Variants in CFAP299 observed in about 807,000 individuals in gnomAD.
CFAP299 encodes the protein cilia- and flagella-associated protein 299.
Under a neutral mutation model 27.0 loss-of-function variants are expected in CFAP299, and 21 were observed. That is an observed-to-expected ratio of 0.78 (90% CI 0.55 to 1.12). The LOEUF is 1.12. CFAP299 is among the 50% of genes most tolerant of loss of function. The probability of loss-of-function intolerance (pLI) is 0.00; values close to 1 mark genes in which losing one functional copy is unlikely to be tolerated. For synonymous variants in CFAP299, 104 were observed against 98.1 expected, an observed-to-expected ratio of 1.06 and a Z score of -0.36; for missense variants, 310 against 276.6, an observed-to-expected ratio of 1.12 and a Z score of -0.86.
intron 3 of CFAP299, among the ~76,000 whole-genome samples, chr4:80,736,098 T>C (rs1723851511): frequency 6.6e-6 from 1 of 152,172 alleles, no homozygotes; most frequent in African/African-American, 2.4e-5. Context: ...AGATCCCATT[T>C]GTCAATTTTG....
intron 2 of CFAP299, among the ~76,000 whole-genome samples, chr4:80,532,935 CT>C (rs532299622): frequency 1.3e-5 from 2 of 151,966 alleles, no homozygotes; most frequent in African/African-American, 2.4e-5. Context: ...TTTTTCTGAC[CT>C]TTTTTTTCTC....
rs537443404 is a variant in CFAP299 at position 80,342,047 on chromosome 4, C to T, written c.111+6168C>T. ...TCACAAGTATCAATAGCAGAATAGACCAACCAGAGGAAAGACTCTCAGAGA... is the reference window on the plus strand; with the variant it reads ...TCACAAGTATCAATAGCAGAATAGATCAACCAGAGGAAAGACTCTCAGAGA... On this transcript the variant is annotated intron_variant, in intron 1 of 5. Coordinates refer to ENST00000358105, the MANE Select transcript of CFAP299 (RefSeq NM_152770.3). Among the ~76,000 whole-genome samples the T allele has an allele frequency of 1.1e-4, 16 of 152,238 alleles. No individual in the cohort carries two copies. The South Asian group carries it at 2.9e-3, about 28-fold the overall frequency.
intron 3 of CFAP299, among the ~76,000 whole-genome samples, chr4:80,643,183 T>C (rs932485046): frequency 6.6e-6 from 1 of 151,372 alleles, no homozygotes; most frequent in African/African-American, 2.4e-5. Context: ...AAGAAAGGAG[T>C]GATTGACTAG....
rs1730807558 is a variant in CFAP299 at position 80,840,550 on chromosome 4, T to C, written c.334-29443T>C. 2.0e-5 allele frequency among the ~76,000 whole-genome samples: 3 copies of C among 152,106 alleles called. No individual in the cohort carries two copies. The South Asian group carries it at 6.2e-4, about 31-fold the overall frequency. ...ACAATTTTCTATGTGCACATTGCCCTTAAACCACATCCTGCATGTTTTGGA... is the reference window on the plus strand; with the variant it reads ...ACAATTTTCTATGTGCACATTGCCCCTAAACCACATCCTGCATGTTTTGGA... On this transcript the variant is annotated intron_variant, in intron 3 of 5. Coordinates refer to ENST00000358105, the MANE Select transcript of CFAP299 (RefSeq NM_152770.3).
intron 3 of CFAP299, among the ~76,000 whole-genome samples, chr4:80,762,708 C>A (rs1398237088): frequency 6.6e-6 from 1 of 152,098 alleles, no homozygotes; most frequent in Non-Finnish European, 1.5e-5. Context: ...GACTGGTGAA[C>A]AATCTTTTGC....
chr4:80,451,315 G>A (rs536070105), intron 2 of CFAP299, among the ~76,000 whole-genome samples: 46 of 152,140 alleles, frequency 3.0e-4, no homozygotes, highest in Non-Finnish European at 4.9e-4. Flanking sequence ...AGTGGATTAG[G>A]GCCCACCCTT....
At chr4:80,687,626 C>T (rs1248572187) in intron 3 of CFAP299, among the ~76,000 whole-genome samples, 5 of 152,124 alleles carry the variant, frequency 3.3e-5, no homozygotes, top group African/African-American at 1.2e-4. Flanking sequence ...ATTTAGTGAC[C>T]ATTTTTATTC....
chr4:80,512,875 C>G (rs1732389398), intron 2 of CFAP299, among the ~76,000 whole-genome samples: 1 of 151,970 alleles, frequency 6.6e-6, no homozygotes, highest in Non-Finnish European at 1.5e-5. Flanking sequence ...CTCTTTCCCT[C>G]TTTTTCTTCA....
chr4:80,457,456 A>G (rs938853825), intron 2 of CFAP299, among the ~76,000 whole-genome samples: 3 of 152,170 alleles, frequency 2.0e-5, no homozygotes, highest in African/African-American at 7.2e-5. Flanking sequence ...CTCAGCTTCC[A>G]TGGCCCATGT....
intron 4 of CFAP299, among the ~76,000 whole-genome samples, chr4:80,892,957 A>T (rs1440969156): frequency 6.6e-6 from 1 of 152,030 alleles, no homozygotes; most frequent in Non-Finnish European, 1.5e-5. Flanking sequence ...TGCAGATGAC[A>T]TAATCTTATA....
intron 3 of CFAP299, among the ~76,000 whole-genome samples, chr4:80,818,073 G>T (rs529534586): frequency 6.6e-6 from 1 of 151,904 alleles, no homozygotes; most frequent in African/African-American, 2.4e-5. Flanking sequence ...TTATCATTCA[G>T]CTCCCACTTA....
At chr4:80,637,747 A>C (rs1425403458) in intron 3 of CFAP299, among the ~76,000 whole-genome samples, 1 of 152,218 alleles carries the variant, frequency 6.6e-6, no homozygotes, top group African/African-American at 2.4e-5. Context: ...ACTTAAAAGA[A>C]TAATAAAAAG....
At chr4:80,824,572 T>C (rs570937504) in intron 3 of CFAP299, among the ~76,000 whole-genome samples, 1 of 152,220 alleles carries the variant, frequency 6.6e-6, no homozygotes, top group Non-Finnish European at 1.5e-5. Flanking sequence ...TTCCCCTTTT[T>C]AGAGCCAGAC....
intron 3 of CFAP299, among the ~76,000 whole-genome samples, chr4:80,762,387 G>T (rs577254238): frequency 1.3e-5 from 2 of 152,154 alleles, no homozygotes; most frequent in South Asian, 2.1e-4. Context: ...CAGTCCTGTT[G>T]TCTGAGTGTC....
chr4:80,622,576 G>A (rs902595804), intron 3 of CFAP299, among the ~76,000 whole-genome samples: 2 of 151,726 alleles, frequency 1.3e-5, no homozygotes, highest in African/African-American at 4.8e-5. Context: ...ATTTTTTATT[G>A]TCAATATGTT....
At chr4:80,939,112 T>A (rs1737066956) in intron 4 of CFAP299, among the ~76,000 whole-genome samples, 1 of 152,212 alleles carries the variant, frequency 6.6e-6, no homozygotes, top group Admixed American at 6.5e-5. Context: ...CCTCTGTCTT[T>A]GACTTTTGGC....
intron 3 of CFAP299, among the ~76,000 whole-genome samples, chr4:80,652,615 G>T (rs1265317268): frequency 6.6e-6 from 1 of 152,068 alleles, no homozygotes; most frequent in African/African-American, 2.4e-5. Flanking sequence ...TATTTACAAT[G>T]AATGCAAGAA....
the CFAP299 span, among the ~76,000 whole-genome samples, chr4:80,324,235 G>T: frequency 6.6e-6 from 1 of 152,002 alleles, no homozygotes; most frequent in Non-Finnish European, 1.5e-5. Flanking sequence ...CTCAGGAATC[G>T]GTTTTATGCT....
chr4:80,529,579 G>A (rs534341416), intron 2 of CFAP299, among the ~76,000 whole-genome samples: 6 of 152,274 alleles, frequency 3.9e-5, no homozygotes, highest in Admixed American at 2.6e-4. Context: ...AGTCCTCTGA[G>A]TGGCTACCAT....
Sources: gnomAD v4.1 joint callset for allele counts (sites outside exome capture counted in the v4.1 genomes callset) on GRCh38, gnomAD v4.1.1 for gene constraint, MANE v1.5 for transcripts, NCBI Gene and HGNC (gene_info 2026-07-23, HGNC 2026-07-21) for gene names.